SHANK2: variants seen among roughly 807,000 people sequenced by gnomAD.
The protein encoded by SHANK2 is SH3 and multiple ankyrin repeat domains 2, also known as SH3 and multiple ankyrin repeat domains protein 2.
In SHANK2, 43 loss-of-function variants were observed where a neutral mutation model predicts 133.7. The observed-to-expected ratio is 0.32, with a 90% CI of 0.25 to 0.41. SHANK2 has a LOEUF of 0.41. SHANK2 is among the 10% of genes least tolerant of loss of function. The pLI is 1.00. For synonymous variants in SHANK2, 1,017 were observed against 952.8 expected (o/e 1.07, Z -1.24); for missense variants, 1,994 against 2,235.8 (o/e 0.89, Z 2.18).
At chr11:70,775,221 GC>G (rs1947336077) in intron 14 of SHANK2, among the ~76,000 whole-genome samples, 1 of 152,130 alleles carries the variant, frequency 6.6e-6, no homozygotes, top group Non-Finnish European at 1.5e-5. Context: ...ATTTTGAGAG[GC>G]CGAGGCAGGC....
chr11:71,234,548 G>A (rs573287653), intron 1 of SHANK2, among the ~76,000 whole-genome samples: 2 of 152,134 alleles, frequency 1.3e-5, no homozygotes, highest in South Asian at 2.1e-4. Context: ...GGTCCTCCAC[G>A]TGCTGGACTC....
rs7926203 is a variant in SHANK2 at position 71,110,013 on chromosome 11, G to A, written c.520C>T (p.Arg174Cys). Residue 174 changes from arginine (R) to cysteine (C), a missense_variant, in exon 6 of 26, where the codon CGC (arginine) becomes TGC (cysteine). Physicochemically the swap from Arg to Cys is radical, Grantham distance 180. This residue lies in a region of SHANK2 where 653 missense variants were observed against 563.4 expected (regional missense o/e 1.16). Coordinates refer to ENST00000601538, the MANE Select transcript of SHANK2 (RefSeq NM_012309.5). ...ATCTTGGTGATCTTCTCCACCAAGCGATGCTGAATGTGATCCATGCATTTC... is the reference window on the plus strand; with the variant it reads ...ATCTTGGTGATCTTCTCCACCAAGCAATGCTGAATGTGATCCATGCATTTC... ...LKKCMDHIQH[R>C]LVEKITKMLD... 4.4e-3 allele frequency: 6,778 copies of A among 1,551,498 alleles called. 256 individuals carry two copies. The African/African-American group carries it at 0.082, about 19-fold the overall frequency.
chr11:71,168,501 C>A (rs1371550300), intron 2 of SHANK2, among the ~76,000 whole-genome samples: 1 of 151,564 alleles, frequency 6.6e-6, no homozygotes, highest in African/African-American at 2.4e-5. Flanking sequence ...TGTAGCGAGC[C>A]GAGATCACGC....
intron 17 of SHANK2, among the ~76,000 whole-genome samples, chr11:70,578,224 C>T (rs782812527): frequency 1.3e-4 from 19 of 151,692 alleles, no homozygotes; most frequent in Admixed American, 3.3e-4. Context: ...AGGTAGGACT[C>T]GAATCCCGGC....
In SHANK2 at chr11:70,486,586, C is replaced by T. The variant is rs781873804; in HGVS notation, c.3707G>A (p.Gly1236Glu). The T allele has an allele frequency of 1.2e-6, 2 of 1,613,978 alleles. No individual in the cohort carries two copies. Among genetic ancestry groups the T allele is most frequent in the Non-Finnish European group, 1.7e-6 (2 of 1,180,034 alleles). ...GTTGAGGTCGGCCTTGGGGGCCTCC[C>T]CTTTGGGTCCCTGTTGAGACTCCTT... Reference protein sequence around the residue: ...AMKESQQGPKGEAPKADLNKP... With the variant: ...AMKESQQGPKEEAPKADLNKP... Residue 1236 changes from glycine to glutamate, a missense_variant, in exon 25 of 26, where the codon GGG (glycine) becomes GAG (glutamate). Gly to Glu is a moderately conservative substitution (Grantham distance 98). Transcript: ENST00000601538. This position sits in a 1 kb window ranked among gnomAD's most constrained non-coding sequence, Gnocchi z 8.0.
chr11:70,487,113 C>G lies in SHANK2; in HGVS notation c.3180G>C (p.Pro1060=). 9.3e-6 allele frequency: 15 copies of G among 1,611,494 alleles called. No homozygotes were observed. The highest frequency in any genetic ancestry group is 1.3e-5 in the Non-Finnish European group (15 of 1,179,982). The change falls in exon 25 of 26, where the codon CCG becomes CCC. Residue 1060 remains proline, a synonymous_variant. Transcript: ENST00000601538. This position sits in a 1 kb window ranked among gnomAD's most constrained non-coding sequence, Gnocchi z 5.8. ...CAGGCCGCAGCTGGCTCGGTGGCTC[C>G]GGGGCCTGGGGGTCGATCTCCATGC... ...GSSMEIDPQA[P]EPPSQLRPDE... is the part of the protein sequence containing the mutation.
At chr11:70,726,172 C>T (rs1364455831) in intron 14 of SHANK2, among the ~76,000 whole-genome samples, 1 of 152,134 alleles carries the variant, frequency 6.6e-6, no homozygotes, top group Non-Finnish European at 1.5e-5. Context: ...GAAATCTTAC[C>T]CGGAACCTAA....
At chr11:70,541,287 G>A (rs1410063328) in intron 17 of SHANK2, among the ~76,000 whole-genome samples, 5 of 152,202 alleles carry the variant, frequency 3.3e-5, no homozygotes, top group African/African-American at 4.8e-5. Context: ...CTGTCCTTCC[G>A]TCAGCCTGGC....
chr11:71,211,249 A>T (rs1555118852), intron 2 of SHANK2, among the ~76,000 whole-genome samples: 3 of 137,980 alleles, frequency 2.2e-5, no homozygotes, highest in Non-Finnish European at 4.5e-5. Flanking sequence ...TTTACACATC[A>T]TCGAATTCAC....
intron 6 of SHANK2, among the ~76,000 whole-genome samples, chr11:71,108,963 G>C (rs781833212): frequency 6.6e-6 from 1 of 152,178 alleles, no homozygotes; most frequent in Non-Finnish European, 1.5e-5. Flanking sequence ...CAGAGGTCGA[G>C]GGGGCTCCCA....
At chr11:70,556,368 A>G (rs184123233) in intron 17 of SHANK2, among the ~76,000 whole-genome samples, 115 of 146,816 alleles carry the variant, frequency 7.8e-4, no homozygotes, top group African/African-American at 2.8e-3. Context: ...GATCACATTT[A>G]TTTTCTCTCT....
chr11:71,210,230 A>G lies in SHANK2; in HGVS notation c.-13+14467T>C, dbSNP rs1233381058. Among the ~76,000 whole-genome samples, 13 of 70,502 alleles carry G rather than the reference A, an allele frequency of 1.8e-4. 1 individual carries two copies. Among genetic ancestry groups the G allele is most frequent in the Admixed American group, 1.4e-3 (9 of 6,488 alleles). The allele number at this position is 70,502 out of a possible 152,430, so 46.3% of individuals were successfully genotyped here. Reference sequence around the variant, plus strand: ...CACAGGTATATATATATATATATATATATATATATATATATATATATATTT... The same window carrying G: ...CACAGGTATATATATATATATATATGTATATATATATATATATATATATTT... On this transcript the variant is annotated intron_variant, in intron 2 of 25. Transcript: ENST00000601538.
At chr11:70,644,686 G>A (rs1486846292) in intron 17 of SHANK2, among the ~76,000 whole-genome samples, 5 of 152,208 alleles carry the variant, frequency 3.3e-5, no homozygotes, top group Admixed American at 1.3e-4. Flanking sequence ...CAAAGTCAGG[G>A]GTGAGGACAG....
intron 10 of SHANK2, among the ~76,000 whole-genome samples, chr11:70,954,760 C>T (rs533362217): frequency 1.3e-5 from 2 of 152,344 alleles, no homozygotes; most frequent in East Asian, 3.9e-4. Flanking sequence ...CACCTGATTG[C>T]CAGAGAACTG....
intron 25 of SHANK2, among the ~76,000 whole-genome samples, chr11:70,484,631 G>A (rs183148918): frequency 8.2e-4 from 125 of 152,278 alleles, no homozygotes; most frequent in Admixed American, 2.2e-3. Context: ...CTCTGGTTGC[G>A]TCTAGAAATG....
At chr11:70,656,960 G>T (rs1271607565) in intron 17 of SHANK2, among the ~76,000 whole-genome samples, 1 of 152,220 alleles carries the variant, frequency 6.6e-6, no homozygotes, top group African/African-American at 2.4e-5. Context: ...CCAAGGCCGA[G>T]AGCCGGATGG....
intron 9 of SHANK2, among the ~76,000 whole-genome samples, chr11:71,067,109 C>T (rs926525031): frequency 2.0e-5 from 3 of 152,148 alleles, no homozygotes; most frequent in Admixed American, 6.5e-5. Context: ...AAGGAAAGGG[C>T]GTGTGGACAC....
At chr11:70,506,903 C>T (rs781948306) in intron 17 of SHANK2, among the ~76,000 whole-genome samples, 4 of 152,180 alleles carry the variant, frequency 2.6e-5, no homozygotes, top group Non-Finnish European at 5.9e-5. Flanking sequence ...GCCAACAGGG[C>T]CTCAAACCAT....
intron 1 of SHANK2, among the ~76,000 whole-genome samples, chr11:71,233,369 A>G (rs1555123229): frequency 6.6e-6 from 1 of 152,208 alleles, no homozygotes; most frequent in African/African-American, 2.4e-5. Flanking sequence ...GCCAGTCACA[A>G]AGGATCCCAT....
Sources: gnomAD v4.1 joint callset for allele counts (sites outside exome capture counted in the v4.1 genomes callset) on GRCh38, gnomAD v4.1.1 for gene constraint, gnomAD v4.1.1 regional missense constraint, Gnocchi (gnomAD v3.1) non-coding constraint, MANE v1.5 for transcripts, NCBI Gene and HGNC (gene_info 2026-07-23, HGNC 2026-07-21) for gene names.